C7orf57: variants seen among roughly 807,000 people sequenced by gnomAD.
The protein encoded by C7orf57 is uncharacterized protein C7orf57.
In C7orf57, 33 loss-of-function variants were observed where a neutral mutation model predicts 39.0. That is an observed-to-expected ratio of 0.85 (90% CI 0.64 to 1.13). C7orf57 has a LOEUF of 1.13. Ranked by LOEUF, C7orf57 falls within the 50% of genes most tolerant of loss-of-function variation. The pLI is 0.00. For synonymous variants in C7orf57, 124 were observed against 137.1 expected (o/e 0.90, Z 0.67); for missense variants, 346 against 362.3 (o/e 0.95, Z 0.37).
chr7:48,051,762 C>CT (rs1554299667), intron 6 of C7orf57, among the ~76,000 whole-genome samples: 97 of 34,710 alleles, frequency 2.8e-3, no homozygotes, highest in Non-Finnish European at 5.6e-3. Flanking sequence ...TTCTTTCTTT[C>CT]TTTCTTTCTT....
chr7:48,045,645 T>C (rs1790693246), intron 4 of C7orf57, among the ~76,000 whole-genome samples: 1 of 152,164 alleles, frequency 6.6e-6, no homozygotes, highest in South Asian at 2.1e-4. Flanking sequence ...CAAGTACAAA[T>C]GAGGAGCAGG....
At chr7:48,037,768 T>TGTGTGTGTGTGTGTGC (rs977066344) in intron 2 of C7orf57, among the ~76,000 whole-genome samples, 4 of 150,444 alleles carry the variant, frequency 2.7e-5, no homozygotes, top group African/African-American at 9.7e-5. Flanking sequence ...TGTGTGTGTG[T>TGTGTGTGTGTGTGTGC]GCGCGCGCGT....
chr7:48,037,801 A>G (rs1790427190), intron 2 of C7orf57, among the ~76,000 whole-genome samples: 3 of 138,174 alleles, frequency 2.2e-5, no homozygotes, highest in Non-Finnish European at 3.3e-5. Context: ...GGTGGTCACA[A>G]ATGGTTCTTA....
intron 3 of C7orf57, among the ~76,000 whole-genome samples, chr7:48,042,761 G>A (rs1337585331): frequency 6.6e-6 from 1 of 152,022 alleles, no homozygotes; most frequent in Admixed American, 6.5e-5. Flanking sequence ...TACTGCCACA[G>A]GCACTGCTAT....
At chr7:48,058,805 A>ATTTAC (rs999920809) in intron 8 of C7orf57, among the ~76,000 whole-genome samples, 1 of 152,190 alleles carries the variant, frequency 6.6e-6, no homozygotes, top group Non-Finnish European at 1.5e-5. Context: ...AGAAGATAGA[A>ATTTAC]TTTACTTCAC....
chr7:48,051,216 C>G (rs1311107376), intron 6 of C7orf57, among the ~76,000 whole-genome samples: 3 of 151,632 alleles, frequency 2.0e-5, no homozygotes, highest in Non-Finnish European at 4.4e-5. Flanking sequence ...GAGTCTTGCT[C>G]TGTTGCCCAG....
intron 3 of C7orf57, among the ~76,000 whole-genome samples, chr7:48,042,781 G>T (rs1221157255): frequency 2.0e-5 from 3 of 152,108 alleles, no homozygotes; most frequent in Non-Finnish European, 4.4e-5. Flanking sequence ...TCATTTTGCT[G>T]TCCTTATGAT....
rs1791276395 is a variant in C7orf57, at chr7:48,061,086, TCA to T, written c.*817_*818del. 1 of 152,188 alleles carries T rather than the reference TCA, an allele frequency of 6.6e-6. No individual in the cohort carries two copies. The highest frequency in any genetic ancestry group is 1.5e-5 in the Non-Finnish European group (1 of 68,002). The allele number at this position is 152,188 out of a possible 1,614,324, so 9.4% of individuals were successfully genotyped here. On this transcript the variant is annotated 3_prime_UTR_variant, in exon 9 of 9. Transcript: ENST00000348904. ...AATGTTTTCAAAAAGCCAAATAAAG[TCA>T]CAGATATTTTAGCTTCTTTCCCAGA... is the stretch of plus-strand genomic sequence containing the variant.
chr7:48,041,233 C>G, intron 2 of C7orf57, 101 bp from the exon 3 acceptor site: 1 of 1,112,752 alleles, frequency 9.0e-7, no homozygotes, highest in African/African-American at 1.6e-5. Context: ...CTTGCACTGC[C>G]CCACCTGATG....
Position 48,060,289 on chromosome 7 carries a change from T to C in C7orf57, c.*17T>C. ...CTCAAATAAATCCTGATGCAATATG[T>C]ATTTAGGATAATTTTTAAATGGCTA... On this transcript the variant is annotated 3_prime_UTR_variant, in exon 9 of 9. Transcript: ENST00000348904. The C allele has an allele frequency of 6.7e-7, 1 of 1,489,650 alleles. No individual in the cohort carries two copies. Among genetic ancestry groups the C allele is most frequent in the Non-Finnish European group, 9.1e-7 (1 of 1,101,164 alleles). The allele number at this position is 1,489,650 out of a possible 1,614,324, so 92.3% of individuals were successfully genotyped here. A position where few individuals can be genotyped will look rare whatever the true frequency, so the allele number is the denominator to read the frequency against.
At chr7:48,058,676 C>T (rs1200700563) in intron 8 of C7orf57, among the ~76,000 whole-genome samples, 5 of 151,948 alleles carry the variant, frequency 3.3e-5, no homozygotes, top group Admixed American at 2.6e-4. Flanking sequence ...ATCTTTTCTT[C>T]TGCTAACCTT....
At position 48,051,730 on chromosome 7, in the gene C7orf57, T is replaced by TTCTTTCCTTTCTTTC. The variant is rs375702986; in HGVS notation, c.606-969_606-968insCTTTCCTTTCTTTCT. 1.7e-3 allele frequency among the ~76,000 whole-genome samples: 156 copies of TTCTTTCCTTTCTTTC among 89,572 alleles called. 21 individuals carry two copies. The highest frequency in any genetic ancestry group is 6.7e-3 in the East Asian group (22 of 3,308). 58.8% of individuals were successfully genotyped at this position (89,572 alleles called of 152,430 possible). ...CTCTCTCTCCTTTCTTTCTTTCTCT[T>TTCTTTCCTTTCTTTC]TTTCTTTTCTTTCTTTTTCTTTTCT... On this transcript the variant is annotated intron_variant, in intron 6 of 8. Transcript: ENST00000348904.
chr7:48,038,383 T>TATATATAGATAGATAGATAG (rs148010398), intron 2 of C7orf57, among the ~76,000 whole-genome samples: 8 of 150,242 alleles, frequency 5.3e-5, no homozygotes, highest in Middle Eastern at 3.5e-3. Flanking sequence ...TCTATATACA[T>TATATATAGATAGATAGATAG]ATAGATAGAT....
At chr7:48,058,486 G>C (rs1791193380) in intron 8 of C7orf57, among the ~76,000 whole-genome samples, 1 of 152,040 alleles carries the variant, frequency 6.6e-6, no homozygotes, top group African/African-American at 2.4e-5. Flanking sequence ...CAATTCGTTG[G>C]TGTATAATCC....
rs1184656392 is a variant in C7orf57 at position 48,060,279 on chromosome 7, A to G, written c.*7A>G. ...ACCAGCAGAGCTCAAATAAATCCTG[A>G]TGCAATATGTATTTAGGATAATTTT... On this transcript the variant is annotated 3_prime_UTR_variant, in exon 9 of 9. Coordinates refer to ENST00000348904, the MANE Select transcript of C7orf57 (RefSeq NM_001100159.3). The G allele has an allele frequency of 6.6e-7, 1 of 1,519,112 alleles. No individual in the cohort carries two copies. The highest frequency in any genetic ancestry group is 2.5e-5 in the East Asian group (1 of 40,778). 94.1% of individuals were successfully genotyped at this position (1,519,112 alleles called of 1,614,324 possible). A position where few individuals can be genotyped will look rare whatever the true frequency, so the allele number is the denominator to read the frequency against.
At chr7:48,039,953 G>C (rs999712884) in intron 2 of C7orf57, among the ~76,000 whole-genome samples, 1 of 149,168 alleles carries the variant, frequency 6.7e-6, no homozygotes, top group Non-Finnish European at 1.5e-5. Context: ...ATCAGGTGTG[G>C]TTTTTTTTTT....
intron 5 of C7orf57, among the ~76,000 whole-genome samples, chr7:48,049,018 G>A (rs1173326133): frequency 1.3e-5 from 2 of 152,046 alleles, no homozygotes; most frequent in African/African-American, 2.4e-5. Flanking sequence ...TGCCAGGCCC[G>A]AGTTAACCCC....
rs113340088 is a variant in C7orf57 at position 48,056,587 on chromosome 7, A to G, written c.841+1981A>G. ...TTAGCATCCCAAATCTGAAAATCTG[A>G]AATCAAAGGAAATGCTCATTGGAAC... On this transcript the variant is annotated intron_variant, in intron 8 of 8. Transcript: ENST00000348904. Among the ~76,000 whole-genome samples, 206 of 152,210 alleles carry G rather than the reference A, an allele frequency of 1.4e-3. 1 individual carries two copies. The highest frequency in any genetic ancestry group is 4.8e-3 in the African/African-American group (198 of 41,544).
At chr7:48,043,108 G>C (rs1472724821) in intron 3 of C7orf57, among the ~76,000 whole-genome samples, 1 of 152,216 alleles carries the variant, frequency 6.6e-6, no homozygotes, top group Non-Finnish European at 1.5e-5. Flanking sequence ...TGTGGGGGTA[G>C]CTGAGGATGA....
Sources: gnomAD v4.1 joint callset for allele counts (sites outside exome capture counted in the v4.1 genomes callset) on GRCh38, gnomAD v4.1.1 for gene constraint, MANE v1.5 for transcripts, NCBI Gene and HGNC (gene_info 2026-07-23, HGNC 2026-07-21) for gene names.